Variants in MAF observed in about 807,000 individuals in gnomAD.
MAF encodes transcription factor Maf.
Under a neutral mutation model 22.0 loss-of-function variants are expected in MAF, and 10 were observed. The ratio of observed to expected loss-of-function variants is 0.45; its 90% CI spans 0.28 to 0.77. The LOEUF (loss-of-function observed/expected upper bound fraction) is 0.77, where lower values mean the gene tolerates loss of function less well. Ranked by LOEUF, MAF falls within the 30% of genes least tolerant of loss-of-function variation. The pLI is 0.12. For synonymous variants in MAF, 337 were observed against 255.8 expected (o/e 1.32, Z -3.03); for missense variants, 544 against 548.4 (o/e 0.99, Z 0.08).
the MAF span, among the ~76,000 whole-genome samples, chr16:79,438,413 G>A: frequency 6.6e-6 from 1 of 152,330 alleles, no homozygotes; most frequent in East Asian, 1.9e-4. Flanking sequence ...ACTGGGGCAT[G>A]TGGGTAAGAG....
the MAF span, among the ~76,000 whole-genome samples, chr16:79,570,837 G>T: frequency 2.0e-5 from 3 of 152,200 alleles, no homozygotes; most frequent in Non-Finnish European, 4.4e-5. Context: ...CATTTACTGG[G>T]AATATGTTCT....
At chr16:79,550,397 G>A in the MAF span, among the ~76,000 whole-genome samples, 1 of 151,898 alleles carries the variant, frequency 6.6e-6, no homozygotes, top group African/African-American at 2.4e-5. Flanking sequence ...TCAACTCTTG[G>A]TCCACCATGA....
the MAF span, among the ~76,000 whole-genome samples, chr16:79,451,550 C>T: frequency 6.6e-6 from 1 of 152,218 alleles, no homozygotes; most frequent in Non-Finnish European, 1.5e-5. Context: ...AAGCTACAAT[C>T]CTGAAACATA....
the MAF span, among the ~76,000 whole-genome samples, chr16:79,527,926 G>A: frequency 6.6e-6 from 1 of 152,120 alleles, no homozygotes; most frequent in Non-Finnish European, 1.5e-5. Context: ...TGGATCACTT[G>A]AGGCCAGGAG....
the MAF span, among the ~76,000 whole-genome samples, chr16:79,376,131 A>AC: frequency 6.6e-6 from 1 of 152,198 alleles, no homozygotes; most frequent in Admixed American, 6.5e-5. Context: ...GAGCAAAAAA[A>AC]AATCACCAGA....
chr16:79,276,143 GAAAA>G, the MAF span, among the ~76,000 whole-genome samples: 2 of 41,608 alleles, frequency 4.8e-5, no homozygotes, highest in African/African-American at 5.4e-5. Flanking sequence ...CCATCTCAAA[GAAAA>G]AAAAAGAAAG....
At chr16:79,249,052 A>G in the MAF span, among the ~76,000 whole-genome samples, 1 of 152,170 alleles carries the variant, frequency 6.6e-6, no homozygotes, top group African/African-American at 2.4e-5. Flanking sequence ...GTGCAATAGT[A>G]TTGAGAGACA....
At chr16:79,390,482 G>A in the MAF span, among the ~76,000 whole-genome samples, 3 of 152,168 alleles carry the variant, frequency 2.0e-5, no homozygotes, top group Admixed American at 6.5e-5. Flanking sequence ...ATTTGTCACA[G>A]TTTTTATCTG....
At chr16:79,262,580 C>G in the MAF span, among the ~76,000 whole-genome samples, 111,708 of 151,992 alleles carry the variant, frequency 0.73, 42,061 homozygotes, top group Non-Finnish European at 0.83. Context: ...GGAGGTGTGA[C>G]AATGGCAATT....
the MAF span, among the ~76,000 whole-genome samples, chr16:79,552,643 C>T: frequency 6.6e-6 from 1 of 152,202 alleles, no homozygotes; most frequent in Non-Finnish European, 1.5e-5. Context: ...TTGGGCCCCT[C>T]GGTGTTCAGG....
At chr16:79,500,489 T>C in the MAF span, among the ~76,000 whole-genome samples, 3 of 152,262 alleles carry the variant, frequency 2.0e-5, no homozygotes, top group African/African-American at 7.2e-5. Flanking sequence ...TAGTTGCTTG[T>C]CATGAAACTT....
At chr16:79,528,342 C>G in the MAF span, among the ~76,000 whole-genome samples, 54 of 152,136 alleles carry the variant, frequency 3.5e-4, no homozygotes, top group Non-Finnish European at 5.7e-4. Context: ...AGGCCGAGCT[C>G]ATGTGGCTGG....
the MAF span, among the ~76,000 whole-genome samples, chr16:79,522,159 C>T: frequency 2.0e-5 from 3 of 152,182 alleles, no homozygotes; most frequent in African/African-American, 7.2e-5. Flanking sequence ...TGCTCAAGAA[C>T]ACACAGCTAC....
chr16:79,554,874 T>C, the MAF span, among the ~76,000 whole-genome samples: 4 of 152,176 alleles, frequency 2.6e-5, no homozygotes, highest in Non-Finnish European at 5.9e-5. Context: ...TTCCTGTTTC[T>C]ACCATCAGAG....
chr16:79,247,385 C>T, the MAF span, among the ~76,000 whole-genome samples: 6 of 152,192 alleles, frequency 3.9e-5, no homozygotes, highest in South Asian at 2.1e-4. Context: ...CAAAGTCATA[C>T]GTAACTTCTC....
the MAF span, among the ~76,000 whole-genome samples, chr16:79,366,345 C>T: frequency 6.6e-5 from 10 of 152,150 alleles, no homozygotes; most frequent in Non-Finnish European, 2.9e-5. Context: ...AGGGTTAGAG[C>T]CTAAAAATGT....
the MAF span, among the ~76,000 whole-genome samples, chr16:79,534,947 T>C: frequency 2.0e-5 from 3 of 152,216 alleles, no homozygotes; most frequent in Non-Finnish European, 4.4e-5. Flanking sequence ...TTGTTGGTGA[T>C]GATGATAACA....
At chr16:79,212,264 A>C in the MAF span, 2 of 1,282,666 alleles carry the variant, frequency 1.6e-6, no homozygotes, top group Non-Finnish European at 2.1e-6. Context: ...TAATTGTTTC[A>C]TTCATCCTGA....
At chr16:79,450,689 A>G in the MAF span, among the ~76,000 whole-genome samples, 1 of 152,176 alleles carries the variant, frequency 6.6e-6, no homozygotes, top group Non-Finnish European at 1.5e-5. Context: ...TTTTACAAAG[A>G]AAGTGTGAAA....
Sources: allele counts gnomAD v4.1 joint callset (sites outside exome capture counted in the v4.1 genomes callset), GRCh38; gene constraint gnomAD v4.1.1; transcripts MANE v1.5; gene names NCBI Gene and HGNC (gene_info 2026-07-23, HGNC 2026-07-21).